The following GABRG3 variants were observed in gnomAD, a reference collection of about 807,000 sequenced individuals.
The protein encoded by GABRG3 is gamma-aminobutyric acid receptor subunit gamma-3.
In GABRG3, 25 loss-of-function variants were observed where a neutral mutation model predicts 48.8. That is an observed-to-expected ratio of 0.51 (90% confidence interval 0.37 to 0.72). The LOEUF (loss-of-function observed/expected upper bound fraction) is 0.72. GABRG3 is among the 30% of genes least tolerant of loss of function. The pLI is 0.00. For missense variants in GABRG3, 394 were observed against 577.9 expected, an observed-to-expected ratio of 0.68 and a Z score of 3.26; for synonymous variants, 227 against 217.6, an observed-to-expected ratio of 1.04 and a Z score of -0.38.
intron 3 of GABRG3, among the ~76,000 whole-genome samples, chr15:27,269,774 A>G (rs959981702): frequency 6.6e-6 from 1 of 152,198 alleles, no homozygotes; most frequent in African/African-American, 2.4e-5. Context: ...AAAAGGCATC[A>G]CTGGGTCAGC....
At chr15:26,983,969 G>GTA (rs1363987199) in intron 2 of GABRG3, among the ~76,000 whole-genome samples, 6 of 151,706 alleles carry the variant, frequency 4.0e-5, no homozygotes, top group Non-Finnish European at 8.8e-5. Context: ...TTTTTCCCCC[G>GTA]TCTGTGCTGA....
intron 3 of GABRG3, among the ~76,000 whole-genome samples, chr15:27,226,400 C>A (rs1889617100): frequency 6.6e-6 from 1 of 152,144 alleles, no homozygotes; most frequent in South Asian, 2.1e-4. Flanking sequence ...CAAAGCAAAT[C>A]GCGGCCACTA....
chr15:26,985,904 A>G (rs1455776381), intron 2 of GABRG3, among the ~76,000 whole-genome samples: 7 of 152,258 alleles, frequency 4.6e-5, no homozygotes, highest in Admixed American at 4.6e-4. Flanking sequence ...GGAGTAAAGT[A>G]CAAATGCCAC....
intron 5 of GABRG3, chr15:27,364,506 A>G (rs1895127557): frequency 6.6e-6 from 1 of 152,220 alleles, no homozygotes; most frequent in Non-Finnish European, 1.5e-5. Flanking sequence ...AAATGGAGAT[A>G]CTGTTCAGAT....
At chr15:27,313,250 GTGTGTGTGTGTGTATA>G (rs1566778862) in intron 3 of GABRG3, among the ~76,000 whole-genome samples, 11 of 58,726 alleles carry the variant, frequency 1.9e-4, no homozygotes, top group African/African-American at 6.5e-4. Context: ...ATGTGTGTGT[GTGTGTGTGTGTGTATA>G]TATATATATA....
intron 9 of GABRG3, among the ~76,000 whole-genome samples, chr15:27,530,218 G>T (rs1891389716): frequency 6.6e-6 from 1 of 152,158 alleles, no homozygotes; most frequent in Non-Finnish European, 1.5e-5. Flanking sequence ...TTCCTAACAT[G>T]TCAAATGCAA....
intron 3 of GABRG3, among the ~76,000 whole-genome samples, chr15:27,314,311 A>T (rs749277614): frequency 6.6e-6 from 1 of 152,178 alleles, no homozygotes; most frequent in Non-Finnish European, 1.5e-5. Flanking sequence ...ATATGAAAAG[A>T]TGTTCAATGT....
At chr15:27,417,578 C>T (rs995097497) in intron 5 of GABRG3, among the ~76,000 whole-genome samples, 3 of 152,146 alleles carry the variant, frequency 2.0e-5, no homozygotes, top group African/African-American at 4.8e-5. Flanking sequence ...CACAGCTCAT[C>T]GGCCTTCACA....
At chr15:27,404,903 G>A (rs1887586154) in intron 5 of GABRG3, among the ~76,000 whole-genome samples, 1 of 152,328 alleles carries the variant, frequency 6.6e-6, no homozygotes, top group South Asian at 2.1e-4. Context: ...GGCTCTTTCT[G>A]CTCTGTCATG....
At chr15:27,006,256 G>T (rs1206573975) in intron 2 of GABRG3, among the ~76,000 whole-genome samples, 1 of 151,944 alleles carries the variant, frequency 6.6e-6, no homozygotes, top group Non-Finnish European at 1.5e-5. Context: ...GGTTGGAGTG[G>T]AGTGGCGCTA....
chr15:27,138,966 C>T (rs969207734), intron 3 of GABRG3, among the ~76,000 whole-genome samples: 2 of 152,070 alleles, frequency 1.3e-5, no homozygotes, highest in African/African-American at 4.8e-5. Flanking sequence ...ACTCAGGGTT[C>T]TCCAGAGAGG....
At chr15:27,414,748 C>A (rs1887893375) in intron 5 of GABRG3, among the ~76,000 whole-genome samples, 1 of 152,138 alleles carries the variant, frequency 6.6e-6, no homozygotes. Flanking sequence ...ATCTACTGTC[C>A]AGAGTGGCTC....
intron 3 of GABRG3, among the ~76,000 whole-genome samples, chr15:27,193,983 G>A (rs1462692986): frequency 1.3e-5 from 2 of 152,006 alleles, no homozygotes; most frequent in African/African-American, 2.4e-5. Flanking sequence ...TCTCATTCCT[G>A]TTTCTTTTTA....
intron 3 of GABRG3, among the ~76,000 whole-genome samples, chr15:27,279,427 A>G (rs1312627359): frequency 1.3e-5 from 2 of 152,106 alleles, no homozygotes; most frequent in African/African-American, 2.4e-5. Context: ...TCAATTTTGA[A>G]TTAATTTTTG....
intron 3 of GABRG3, among the ~76,000 whole-genome samples, chr15:27,056,480 T>C (rs1453375140): frequency 6.6e-6 from 1 of 152,092 alleles, no homozygotes; most frequent in Non-Finnish European, 1.5e-5. Context: ...ACAACCAGCC[T>C]GAGAATTTGC....
chr15:27,023,828 C>T (rs1355127725), intron 2 of GABRG3, among the ~76,000 whole-genome samples: 2 of 152,210 alleles, frequency 1.3e-5, no homozygotes, highest in Admixed American at 6.5e-5. Flanking sequence ...AGAAGTGGAA[C>T]TACTGGATCA....
intron 5 of GABRG3, among the ~76,000 whole-genome samples, chr15:27,330,517 C>A (rs914133956): frequency 6.6e-6 from 1 of 152,232 alleles, no homozygotes; most frequent in African/African-American, 2.4e-5. Context: ...TCTGTAATAG[C>A]TTCCCTTGTT....
Position 27,518,369 on chromosome 15 carries a change from C to CAAAAAAA in GABRG3, c.713-1596_713-1590dup, listed in dbSNP as rs3058095. 1.1e-3 allele frequency among the ~76,000 whole-genome samples: 138 copies of CAAAAAAA among 126,876 alleles called. 3 individuals are homozygous for CAAAAAAA. Among genetic ancestry groups the CAAAAAAA allele is most frequent in the African/African-American group, 3.7e-3 (124 of 33,078 alleles). 83.2% of individuals were successfully genotyped at this position (126,876 alleles called of 152,430 possible). Reference sequence around the variant, plus strand: ...GGGTGACAAGAGTGAAACTCTGTCTCAAAAAAAAAAAAATGGGACATCAGT... The same window carrying CAAAAAAA: ...GGGTGACAAGAGTGAAACTCTGTCTCAAAAAAAAAAAAAAAAAAAATGGGACATCAGT... On this transcript the variant is annotated intron_variant, in intron 6 of 9. Coordinates refer to ENST00000615808, the MANE Select transcript of GABRG3 (RefSeq NM_033223.5).
intron 3 of GABRG3, among the ~76,000 whole-genome samples, chr15:27,240,472 T>A (rs1305728279): frequency 6.6e-6 from 1 of 152,212 alleles, no homozygotes; most frequent in Non-Finnish European, 1.5e-5. Flanking sequence ...TACATCACAA[T>A]TAGTTAATAT....
Sources: allele counts gnomAD v4.1 joint callset (sites outside exome capture counted in the v4.1 genomes callset), GRCh38; gene constraint gnomAD v4.1.1; transcripts MANE v1.5; gene names NCBI Gene and HGNC (gene_info 2026-07-23, HGNC 2026-07-21).